APBA1: variants seen among roughly 807,000 people sequenced by gnomAD.
APBA1 encodes amyloid beta precursor protein binding family A member 1.
APBA1 carries 55 observed loss-of-function variants against 86.6 expected under a neutral mutation model. The ratio of observed to expected loss-of-function variants is 0.64; its 90% CI spans 0.51 to 0.80. The LOEUF (loss-of-function observed/expected upper bound fraction) is 0.80, where lower values mean the gene tolerates loss of function less well. Ranked by LOEUF, APBA1 falls within the 30% of genes least tolerant of loss-of-function variation. APBA1 has a pLI of 0.00. For missense variants in APBA1, 1,090 were observed against 1,183.0 expected, an observed-to-expected ratio of 0.92 and a Z score of 1.15; for synonymous variants, 511 against 493.9, an observed-to-expected ratio of 1.03 and a Z score of -0.46.
chr9:69,653,181 T>C (rs1004102326), intron 1 of APBA1, among the ~76,000 whole-genome samples: 2 of 151,984 alleles, frequency 1.3e-5, no homozygotes, highest in African/African-American at 4.8e-5. Context: ...AGTAGATTAT[T>C]TTAAAGTTAA....
chr9:69,562,768 C>T (rs1245074071), intron 1 of APBA1, among the ~76,000 whole-genome samples: 1 of 151,994 alleles, frequency 6.6e-6, no homozygotes, highest in African/African-American at 2.4e-5. Flanking sequence ...GGTTAGCCTG[C>T]TGGAAAGAGA....
chr9:69,650,005 A>G (rs1440608270), intron 1 of APBA1, among the ~76,000 whole-genome samples: 2 of 152,238 alleles, frequency 1.3e-5, no homozygotes, highest in Non-Finnish European at 2.9e-5. Flanking sequence ...TGTCTAAGAA[A>G]TGAGAAAGCA....
At chr9:69,503,204 A>G (rs1835904578) in intron 2 of APBA1, among the ~76,000 whole-genome samples, 1 of 152,128 alleles carries the variant, frequency 6.6e-6, no homozygotes. Flanking sequence ...TTGGTCAGTG[A>G]GTCATCTCTA....
chr9:69,477,377 C>A (rs1195624511), intron 2 of APBA1, among the ~76,000 whole-genome samples: 3 of 151,374 alleles, frequency 2.0e-5, no homozygotes, highest in African/African-American at 7.3e-5. Context: ...CCTGGAAAAT[C>A]GGGTCACTCC....
chr9:69,535,250 G>A (rs1223246559), intron 1 of APBA1, among the ~76,000 whole-genome samples: 1 of 152,182 alleles, frequency 6.6e-6, no homozygotes, highest in Non-Finnish European at 1.5e-5. Context: ...ATTCTGGCTG[G>A]TGGGTCTTGG....
rs1164418059 is a variant in APBA1 at position 69,433,090 on chromosome 9, T to C, written c.2302-414A>G. Among the ~76,000 whole-genome samples the C allele has an allele frequency of 2.0e-5, 3 of 152,194 alleles. No homozygotes were observed. The East Asian group carries it at 5.8e-4, about 29-fold the overall frequency. Reference sequence around the variant, plus strand: ...AGCGTTTAATGCCAGCAGACTGTTTTTAGGGTCACGATTGCCTGAGCCACC... The same window carrying C: ...AGCGTTTAATGCCAGCAGACTGTTTCTAGGGTCACGATTGCCTGAGCCACC... On this transcript the variant is annotated intron_variant, in intron 11 of 12. Transcript: ENST00000265381.
At chr9:69,491,133 C>T (rs1386615599) in intron 2 of APBA1, among the ~76,000 whole-genome samples, 1 of 152,170 alleles carries the variant, frequency 6.6e-6, no homozygotes, top group East Asian at 1.9e-4. Context: ...ATAAATCATG[C>T]TGCTATAAAG....
At chr9:69,557,119 G>T (rs1836875313) in intron 1 of APBA1, among the ~76,000 whole-genome samples, 1 of 152,190 alleles carries the variant, frequency 6.6e-6, no homozygotes, top group Non-Finnish European at 1.5e-5. Context: ...CCACGATCAT[G>T]AATACTATTA....
At chr9:69,578,976 T>C (rs899218601) in intron 1 of APBA1, among the ~76,000 whole-genome samples, 32 of 152,172 alleles carry the variant, frequency 2.1e-4, no homozygotes, top group African/African-American at 7.7e-4. Context: ...CAGGAAGCCA[T>C]TCTTTTACTG....
chr9:69,614,782 T>C (rs771429917), intron 1 of APBA1, among the ~76,000 whole-genome samples: 1 of 152,220 alleles, frequency 6.6e-6, no homozygotes, highest in African/African-American at 2.4e-5. Flanking sequence ...CTAATCAAGA[T>C]GAAGCAGAAC....
intron 1 of APBA1, among the ~76,000 whole-genome samples, chr9:69,567,384 C>CT (rs1837044842): frequency 6.6e-6 from 1 of 151,760 alleles, no homozygotes; most frequent in South Asian, 2.1e-4. Context: ...AACTGGAATT[C>CT]TTTTTTTTCC....
chr9:69,557,552 G>C (rs1836881783), intron 1 of APBA1, among the ~76,000 whole-genome samples: 1 of 152,158 alleles, frequency 6.6e-6, no homozygotes, highest in Non-Finnish European at 1.5e-5. Flanking sequence ...ATGACTCCAA[G>C]ATGACTGATA....
chr9:69,485,172 G>T (rs1341064751), intron 2 of APBA1, among the ~76,000 whole-genome samples: 1 of 151,942 alleles, frequency 6.6e-6, no homozygotes, highest in Non-Finnish European at 1.5e-5. Flanking sequence ...TGTCACCTGG[G>T]CTCCAAGGAC....
chr9:69,602,343 G>A (rs1230589243), intron 1 of APBA1, among the ~76,000 whole-genome samples: 3 of 151,956 alleles, frequency 2.0e-5, no homozygotes, highest in Admixed American at 6.5e-5. Flanking sequence ...AGGACGAGGC[G>A]GGCGGATCAT....
intron 1 of APBA1, among the ~76,000 whole-genome samples, chr9:69,652,005 G>A (rs931428415): frequency 3.3e-5 from 5 of 152,150 alleles, no homozygotes; most frequent in African/African-American, 1.2e-4. Flanking sequence ...CAACATGACT[G>A]GTGTTCTTTT....
chr9:69,454,262 T>C (rs79178125), intron 8 of APBA1, among the ~76,000 whole-genome samples: 167 of 152,310 alleles, frequency 1.1e-3, no homozygotes, highest in Non-Finnish European at 1.7e-3. Flanking sequence ...CATCTACCTA[T>C]TGTAAAACTG....
At position 69,523,553 on chromosome 9, in the gene APBA1, A is replaced by C. The variant is rs1403033054; in HGVS notation, c.-69-6274T>G. ...TATATAGACACACACACACACACACACCCAACATTAGAGCACCCAGATTCA... is the reference window on the plus strand; with the variant it reads ...TATATAGACACACACACACACACACCCCCAACATTAGAGCACCCAGATTCA... On this transcript the variant is annotated intron_variant, in intron 1 of 12. Transcript: ENST00000265381. Among the ~76,000 whole-genome samples the C allele has an allele frequency of 1.7e-4, 22 of 128,274 alleles. No homozygotes were observed. The East Asian group carries it at 2.1e-3, about 12-fold the overall frequency. The allele number at this position is 128,274 out of a possible 152,430, so 84.2% of individuals were successfully genotyped here.
At chr9:69,580,861 CAGCT>C (rs1821901208) in intron 1 of APBA1, among the ~76,000 whole-genome samples, 2 of 152,136 alleles carry the variant, frequency 1.3e-5, no homozygotes, top group Non-Finnish European at 1.5e-5. Context: ...TGTTCTCAAG[CAGCT>C]AAAATGAAGA....
chr9:69,454,521 G>GTGGCTGCACAGCTTGA (rs1835063540), intron 8 of APBA1, among the ~76,000 whole-genome samples: 1 of 152,190 alleles, frequency 6.6e-6, no homozygotes, highest in East Asian at 1.9e-4. Flanking sequence ...AGGAACTTGA[G>GTGGCTGCACAGCTTGA]GCTTAGTGGC....
Sources: gnomAD v4.1 joint callset for allele counts (sites outside exome capture counted in the v4.1 genomes callset) on GRCh38, gnomAD v4.1.1 for gene constraint, MANE v1.5 for transcripts, NCBI Gene and HGNC (gene_info 2026-07-23, HGNC 2026-07-21) for gene names.